WDR33: variants seen among roughly 807,000 people sequenced by gnomAD.
The protein encoded by WDR33 is WD repeat domain 33.
In WDR33, 47 loss-of-function variants were observed where a neutral mutation model predicts 164.9. The ratio of observed to expected loss-of-function variants is 0.29; its 90% CI spans 0.23 to 0.36. WDR33 has a LOEUF of 0.36. WDR33 is among the 10% of genes least tolerant of loss of function. WDR33 has a pLI of 1.00. For synonymous variants in WDR33, 505 were observed against 589.0 expected, an observed-to-expected ratio of 0.86 and a Z score of 2.06; for missense variants, 1,137 against 1,754.1, an observed-to-expected ratio of 0.65 and a Z score of 6.28.
chr2:127,803,618 G>A (rs569991189), intron 1 of WDR33, among the ~76,000 whole-genome samples: 1 of 152,096 alleles, frequency 6.6e-6, no homozygotes. Flanking sequence ...TTAATATCAT[G>A]TTTTCTAGCT....
Position 127,721,367 on chromosome 2 carries a change from C to A in WDR33, c.1671+469G>T, listed in dbSNP as rs1239777047. Reference sequence around the variant, plus strand: ...AGGTGATCTGTCTGCCTCGGCCTCCCAAAGTGCTGGGATTACAGGTGTAAG... The same window carrying A: ...AGGTGATCTGTCTGCCTCGGCCTCCAAAAGTGCTGGGATTACAGGTGTAAG... On this transcript the variant is annotated intron_variant, in intron 15 of 21. Transcript: ENST00000322313. This position sits in a 1 kb window ranked among gnomAD's most constrained non-coding sequence, Gnocchi z 4.9. 1.3e-5 allele frequency among the ~76,000 whole-genome samples: 2 copies of A among 152,150 alleles called. No homozygotes were observed. The highest frequency in any genetic ancestry group is 2.9e-5 in the Non-Finnish European group (2 of 68,032).
intron 7 of WDR33, chr2:127,736,916 GA>G: frequency 1.0e-6 from 1 of 985,280 alleles, no homozygotes; most frequent in Non-Finnish European, 1.2e-6. Flanking sequence ...GCTGTATTTA[GA>G]AAAATCTTGA....
At chr2:127,775,459 G>A (rs1286169820) in intron 1 of WDR33, among the ~76,000 whole-genome samples, 1 of 152,210 alleles carries the variant, frequency 6.6e-6, no homozygotes, top group African/African-American at 2.4e-5. Context: ...AAGGTGCTGG[G>A]ATTACAGGCG....
chr2:127,721,769 A>G lies in WDR33; in HGVS notation c.1671+67T>C, dbSNP rs1686445679. ...CCCCTTCCCTTTTCCTTAAGAGCCT[A>G]TCAATAAAAATGTCACCACTACCCT... On this transcript the variant is annotated intron_variant, in intron 15 of 21. Transcript: ENST00000322313. The surrounding 1 kb of genome is among the most constrained non-coding windows in gnomAD (Gnocchi z 4.9). 9 of 1,494,474 alleles carry G rather than the reference A, an allele frequency of 6.0e-6. No homozygotes were observed. The highest frequency in any genetic ancestry group is 8.0e-6 in the Non-Finnish European group (9 of 1,119,172). 92.6% of individuals were successfully genotyped at this position (1,494,474 alleles called of 1,614,324 possible). A position where few individuals can be genotyped will look rare whatever the true frequency, so the allele number is the denominator to read the frequency against.
In WDR33 at chr2:127,723,093, G is replaced by C; in HGVS notation, c.1292-49C>G. 1 of 1,513,330 alleles carries C rather than the reference G, an allele frequency of 6.6e-7. No homozygotes were observed. Among genetic ancestry groups the C allele is most frequent in the Non-Finnish European group, 9.0e-7 (1 of 1,112,790 alleles). 93.7% of individuals were successfully genotyped at this position (1,513,330 alleles called of 1,614,324 possible). ...TCAATAGAGAATTTACAAAAGTAGC[G>C]ACTGATAAAATTAATGCTTTATAAA... is the stretch of plus-strand genomic sequence containing the variant. On this transcript the variant is annotated intron_variant, in intron 12 of 21. Transcript: ENST00000322313. This position sits in a 1 kb window ranked among gnomAD's most constrained non-coding sequence, Gnocchi z 5.9.
chr2:127,721,768 T>C lies in WDR33; in HGVS notation c.1671+68A>G, dbSNP rs1001250409. On this transcript the variant is annotated intron_variant, in intron 15 of 21. Transcript: ENST00000322313. This position sits in a 1 kb window ranked among gnomAD's most constrained non-coding sequence, Gnocchi z 4.9. ...GCCCCTTCCCTTTTCCTTAAGAGCC[T>C]ATCAATAAAAATGTCACCACTACCC... 3.0e-5 allele frequency: 45 copies of C among 1,493,994 alleles called. No individual in the cohort carries two copies. Among genetic ancestry groups the C allele is most frequent in the Non-Finnish European group, 3.8e-5 (43 of 1,118,880 alleles). 92.5% of individuals were successfully genotyped at this position (1,493,994 alleles called of 1,614,324 possible). A position where few individuals can be genotyped will look rare whatever the true frequency, so the allele number is the denominator to read the frequency against.
chr2:127,717,878 A>T lies in WDR33; in HGVS notation c.2761-615T>A, dbSNP rs962682194. The stretch of plus-strand genomic sequence containing the variant: ...ATATTTCAGTTATAACACAGTAGCT[A>T]AAGTCCATTATTTTTTTAATCCTCC... On this transcript the variant is annotated intron_variant, in intron 16 of 21. Transcript: ENST00000322313. This position sits in a 1 kb window ranked among gnomAD's most constrained non-coding sequence, Gnocchi z 5.6. 6.6e-6 allele frequency among the ~76,000 whole-genome samples: 1 copy of T among 152,216 alleles called. No homozygotes were observed. The highest frequency in any genetic ancestry group is 6.5e-5 in the Admixed American group (1 of 15,284).
chr2:127,764,214 G>A lies in WDR33; in HGVS notation c.626+614C>T. On this transcript the variant is annotated intron_variant, in intron 6 of 21. Coordinates refer to ENST00000322313, the MANE Select transcript of WDR33 (RefSeq NM_018383.5). The surrounding 1 kb of genome is among the most constrained non-coding windows in gnomAD (Gnocchi z 6.2). The stretch of plus-strand genomic sequence containing the variant: ...TATTGTATACATTTGCATAAGTGAT[G>A]TTATCAACAGTGAATCAGAAGAAAA... 1 of 1,092,498 alleles carries A rather than the reference G, an allele frequency of 9.2e-7. No individual in the cohort carries two copies. Among genetic ancestry groups the A allele is most frequent in the African/African-American group, 1.6e-5 (1 of 60,710 alleles). The allele number at this position is 1,092,498 out of a possible 1,614,324, so 67.7% of individuals were successfully genotyped here. A position where few individuals can be genotyped will look rare whatever the true frequency, so the allele number is the denominator to read the frequency against.
chr2:127,716,914 C>T lies in WDR33; in HGVS notation c.2869+241G>A, dbSNP rs748469046. On this transcript the variant is annotated intron_variant, in intron 17 of 21. Transcript: ENST00000322313. This position sits in a 1 kb window ranked among gnomAD's most constrained non-coding sequence, Gnocchi z 4.5. ...AGATGGGCAAGGCCAGCCTGCCACA[C>T]AGGCACGACTGCTGGAGCCTGTGCG... Among the ~76,000 whole-genome samples, 7 of 152,246 alleles carry T rather than the reference C, an allele frequency of 4.6e-5. No individual in the cohort carries two copies. The highest frequency in any genetic ancestry group is 5.9e-5 in the Non-Finnish European group (4 of 68,044).
rs899254031 is a variant in WDR33 at position 127,768,790 on chromosome 2, T to A, written c.273+143A>T. 8.9e-5 allele frequency: 45 copies of A among 506,280 alleles called. No individual in the cohort carries two copies. In the East Asian group the frequency reaches 1.2e-3, roughly 14 times the overall value. The allele number at this position is 506,280 out of a possible 1,614,324, so 31.4% of individuals were successfully genotyped here. A position where few individuals can be genotyped will look rare whatever the true frequency, so the allele number is the denominator to read the frequency against. On this transcript the variant is annotated intron_variant, in intron 3 of 21. Transcript: ENST00000322313. ...ACATAATCCATGGCTTACACAGATG[T>A]GTTATATTATCCCTTTGGGAATATT...
intron 7 of WDR33, among the ~76,000 whole-genome samples, chr2:127,761,122 A>C (rs1687660275): frequency 1.3e-5 from 2 of 152,236 alleles, no homozygotes; most frequent in Non-Finnish European, 2.9e-5. Flanking sequence ...CCTTCTTTTT[A>C]AAATCCAAGC....
intron 4 of WDR33, 146 bp from the exon 5 acceptor site, chr2:127,765,415 T>C (rs1687791794): frequency 1.5e-6 from 1 of 660,538 alleles, no homozygotes; most frequent in East Asian, 2.7e-5. Flanking sequence ...TTATCAGAAG[T>C]ACTTTGTCAG....
rs2105380372 is a variant in WDR33, at chr2:127,719,739, T to C, written c.2286A>G (p.Pro762=). ...PPHPHGIQGG[P]GSQGIQGPVS... Reference sequence around the variant, plus strand: ...CAGGACCTTGGATCCCTTGAGACCCTGGTCCGCCTTGGATCCCATGAGGAT... The same window carrying C: ...CAGGACCTTGGATCCCTTGAGACCCCGGTCCGCCTTGGATCCCATGAGGAT... Residue 762 remains proline, a synonymous_variant, in exon 16 of 22, where the codon CCA becomes CCG. Coordinates refer to ENST00000322313, the MANE Select transcript of WDR33 (RefSeq NM_018383.5). This position sits in a 1 kb window ranked among gnomAD's most constrained non-coding sequence, Gnocchi z 6.5. The C allele has an allele frequency of 3.1e-6, 5 of 1,613,822 alleles. No homozygotes were observed. The African/African-American group carries it at 4.0e-5, about 13-fold the overall frequency.
Position 127,718,722 on chromosome 2 carries a change from C to G in WDR33, c.2760+543G>C, listed in dbSNP as rs571930005. Among the ~76,000 whole-genome samples the G allele has an allele frequency of 6.6e-6, 1 of 152,314 alleles. No homozygotes were observed. Among genetic ancestry groups the G allele is most frequent in the East Asian group, 1.9e-4 (1 of 5,184 alleles). On this transcript the variant is annotated intron_variant, in intron 16 of 21. Transcript: ENST00000322313. This position sits in a 1 kb window ranked among gnomAD's most constrained non-coding sequence, Gnocchi z 4.4. Reference sequence around the variant, plus strand: ...ATGCTCAATTCTGGAATAACAGTCTCTTTATTTCTATTCACTGTAATAAAC... The same window carrying G: ...ATGCTCAATTCTGGAATAACAGTCTGTTTATTTCTATTCACTGTAATAAAC...
chr2:127,723,113 TA>T lies in WDR33; in HGVS notation c.1292-70del. 1 of 1,464,046 alleles carries T rather than the reference TA, an allele frequency of 6.8e-7. No homozygotes were observed. The highest frequency in any genetic ancestry group is 9.3e-7 in the Non-Finnish European group (1 of 1,074,520). The allele number at this position is 1,464,046 out of a possible 1,614,324, so 90.7% of individuals were successfully genotyped here. A position where few individuals can be genotyped will look rare whatever the true frequency, so the allele number is the denominator to read the frequency against. ...GTAGCGACTGATAAAATTAATGCTT[TA>T]TAAAAATGAATGTCACTGATGATTT... On this transcript the variant is annotated intron_variant, in intron 12 of 21. Coordinates refer to ENST00000322313, the MANE Select transcript of WDR33 (RefSeq NM_018383.5). The surrounding 1 kb of genome is among the most constrained non-coding windows in gnomAD (Gnocchi z 5.9).
chr2:127,767,015 T>C (rs1179848453), intron 4 of WDR33, among the ~76,000 whole-genome samples: 2 of 152,184 alleles, frequency 1.3e-5, no homozygotes, highest in Admixed American at 6.5e-5. Flanking sequence ...CACTTCAGCC[T>C]CTCAAAGTGC....
intron 4 of WDR33, among the ~76,000 whole-genome samples, chr2:127,767,156 C>T (rs1038378901): frequency 6.6e-6 from 1 of 152,112 alleles, no homozygotes; most frequent in Non-Finnish European, 1.5e-5. Flanking sequence ...TTGGTTCTCC[C>T]TGCTCTCTAT....
At chr2:127,737,963 T>C (rs749788800) in intron 7 of WDR33, 4 of 1,604,240 alleles carry the variant, frequency 2.5e-6, no homozygotes, top group Non-Finnish European at 3.4e-6. Context: ...TTCACAGAAG[T>C]TGGTAAATGT....
At position 127,719,436 on chromosome 2, in the gene WDR33, C is replaced by T. The variant is rs147196690; in HGVS notation, c.2589G>A (p.Gly863=). 2 of 1,565,754 alleles carry T rather than the reference C, an allele frequency of 1.3e-6. No homozygotes were observed. The highest frequency in any genetic ancestry group is 3.8e-5 in the Admixed American group (2 of 53,088). Residue 863 remains glycine, a synonymous_variant, in exon 16 of 22, where the codon GGG becomes GGA. Transcript: ENST00000322313. This position sits in a 1 kb window ranked among gnomAD's most constrained non-coding sequence, Gnocchi z 6.5. ...GAGGTCCTAAAGAGCCCTGGGGCGG[C>T]CCCTGCTGACTTTGTGAGCCTGGAG... The part of the protein sequence containing the change: ...RGPPGSQSQQ[G]PPQGSLGPPP...
Sources: gnomAD v4.1 joint callset for allele counts (sites outside exome capture counted in the v4.1 genomes callset) on GRCh38, gnomAD v4.1.1 for gene constraint, Gnocchi (gnomAD v3.1) non-coding constraint, MANE v1.5 for transcripts, NCBI Gene and HGNC (gene_info 2026-07-23, HGNC 2026-07-21) for gene names.